Variants in USH2A observed in about 807,000 individuals in gnomAD.
The protein encoded by USH2A is Usher syndrome 2A (autosomal recessive, mild).
In USH2A, 443 loss-of-function variants were observed where a neutral mutation model predicts 538.9. The observed-to-expected ratio is 0.82, with a 90% CI of 0.76 to 0.89. The LOEUF is 0.89. Ranked by LOEUF, USH2A falls within the 40% of genes least tolerant of loss-of-function variation. The probability of loss-of-function intolerance (pLI) is 0.00; values close to 1 mark genes in which losing one functional copy is unlikely to be tolerated. For synonymous variants in USH2A, 2,413 were observed against 2,273.5 expected (o/e 1.06, Z -1.75); for missense variants, 6,633 against 6,324.8 (o/e 1.05, Z -1.65).
chr1:215,729,162 C>T (rs187738889), intron 60 of USH2A, among the ~76,000 whole-genome samples: 1 of 152,176 alleles, frequency 6.6e-6, no homozygotes, highest in Admixed American at 6.5e-5. Flanking sequence ...TTTTGCTGCT[C>T]TTAGGACCAT....
chr1:216,202,575 T>C (rs567769294), intron 16 of USH2A, among the ~76,000 whole-genome samples: 1 of 152,302 alleles, frequency 6.6e-6, no homozygotes, highest in Non-Finnish European at 1.5e-5. Flanking sequence ...TTGCTGTTAC[T>C]ACAGACTTCT....
intron 3 of USH2A, among the ~76,000 whole-genome samples, chr1:216,374,301 A>G (rs2038775177): frequency 6.8e-6 from 1 of 147,468 alleles, no homozygotes; most frequent in African/African-American, 2.5e-5. Flanking sequence ...AAAAAAAAAG[A>G]GTTCTTCAAT....
At chr1:215,824,518 G>C (rs781632206) in intron 47 of USH2A, among the ~76,000 whole-genome samples, 7 of 152,112 alleles carry the variant, frequency 4.6e-5, no homozygotes, top group Non-Finnish European at 1.0e-4. Flanking sequence ...GAGGCTGGCT[G>C]AGGATTGGTG....
intron 27 of USH2A, among the ~76,000 whole-genome samples, 161 bp downstream of exon 27, chr1:216,077,928 G>A (rs1392735168): frequency 3.3e-5 from 5 of 152,000 alleles, no homozygotes; most frequent in African/African-American, 4.8e-5. Context: ...TTGAAAAAGT[G>A]TTTTCATTAG....
At chr1:216,364,012 T>C (rs977819933) in intron 4 of USH2A, among the ~76,000 whole-genome samples, 4 of 151,092 alleles carry the variant, frequency 2.6e-5, no homozygotes, top group African/African-American at 7.3e-5. Context: ...GAGTTCCATA[T>C]TGTTTAGATT....
intron 13 of USH2A, among the ~76,000 whole-genome samples, chr1:216,244,614 G>C (rs2036000645): frequency 1.3e-5 from 2 of 152,156 alleles, no homozygotes; most frequent in Admixed American, 1.3e-4. Context: ...GGGAACAAAT[G>C]AGACAGTCTT....
At chr1:215,835,670 C>A (rs1279403966) in intron 47 of USH2A, among the ~76,000 whole-genome samples, 1 of 152,064 alleles carries the variant, frequency 6.6e-6, no homozygotes, top group East Asian at 1.9e-4. Context: ...CAGCTTTAAA[C>A]CCTACCCTCT....
chr1:216,189,937 T>C (rs572480810), intron 20 of USH2A, among the ~76,000 whole-genome samples: 1 of 152,006 alleles, frequency 6.6e-6, no homozygotes, highest in African/African-American at 2.4e-5. Context: ...TATATATTTG[T>C]ATATGTTTCT....
chr1:215,970,613 T>A lies in USH2A; in HGVS notation c.6957+12A>T. The A allele has an allele frequency of 6.2e-7, 1 of 1,613,516 alleles. No homozygotes were observed. Among genetic ancestry groups the A allele is most frequent in the Non-Finnish European group, 8.5e-7 (1 of 1,179,640 alleles). ...TTTAACACATTCCTAGAATGTAAAT[T>A]TAGATACTCACCAGTGGGCCCAGAG... On this transcript the variant is annotated intron_variant, in intron 36 of 71. Coordinates refer to ENST00000307340, the MANE Select transcript of USH2A (RefSeq NM_206933.4).
intron 35 of USH2A, among the ~76,000 whole-genome samples, chr1:215,978,777 G>A (rs779216551): frequency 3.9e-5 from 6 of 152,128 alleles, no homozygotes; most frequent in East Asian, 1.9e-4. Context: ...TTCCACATAC[G>A]GTAGTGGGGA....
intron 11 of USH2A, among the ~76,000 whole-genome samples, chr1:216,287,416 G>C (rs1055260448): frequency 2.5e-4 from 38 of 152,290 alleles, no homozygotes; most frequent in African/African-American, 8.9e-4. Flanking sequence ...GAAATCTAGA[G>C]CCAGTAGTAT....
At chr1:215,982,896 G>T (rs887014894) in intron 35 of USH2A, among the ~76,000 whole-genome samples, 2 of 152,192 alleles carry the variant, frequency 1.3e-5, no homozygotes, top group African/African-American at 4.8e-5. Flanking sequence ...ACCTAGTCTG[G>T]GTAGGATACG....
chr1:215,654,807 C>T lies in USH2A; in HGVS notation c.14134-4006G>A, dbSNP rs961135464. ...ATATATTTTTAAATCTAACTAGAGA[C>T]TATTACCATATTTATGCTTGTTGTT... On this transcript the variant is annotated intron_variant, in intron 64 of 71. Transcript: ENST00000307340. Among the ~76,000 whole-genome samples, 5 of 152,082 alleles carry T rather than the reference C, an allele frequency of 3.3e-5. No homozygotes were observed. In the South Asian group the frequency reaches 1.0e-3, roughly 31 times the overall value.
chr1:216,090,462 C>T lies in USH2A; in HGVS notation c.4759-1323G>A, dbSNP rs190655109. Among the ~76,000 whole-genome samples, 329 of 150,630 alleles carry T rather than the reference C, an allele frequency of 2.2e-3. 1 individual carries two copies. Among genetic ancestry groups the T allele is most frequent in the African/African-American group, 7.5e-3 (308 of 40,972 alleles). On this transcript the variant is annotated intron_variant, in intron 22 of 71. Coordinates refer to ENST00000307340, the MANE Select transcript of USH2A (RefSeq NM_206933.4). ...AAAAAAAAAAAAAAGCTTTTAATTT[C>T]CCATGAGTATGAGTGGGTTGTCTCT...
chr1:216,311,184 A>C (rs1281060924), intron 9 of USH2A, among the ~76,000 whole-genome samples: 1 of 152,176 alleles, frequency 6.6e-6, no homozygotes, highest in Non-Finnish European at 1.5e-5. Context: ...TGGGGATGAC[A>C]GACCTACATC....
At chr1:215,625,928 C>CAATT (rs1656006923) in intron 71 of USH2A, 58 bp from the exon 72 acceptor site, 1 of 1,496,642 alleles carries the variant, frequency 6.7e-7, no homozygotes, top group Non-Finnish European at 9.3e-7. Flanking sequence ...TATTTGCTAT[C>CAATT]AATTTATAGT....
intron 70 of USH2A, among the ~76,000 whole-genome samples, chr1:215,633,543 A>T (rs193074969): frequency 3.9e-4 from 60 of 152,218 alleles, no homozygotes; most frequent in Middle Eastern, 6.8e-3. Context: ...GTGTTCACTC[A>T]CTGCTGTTTT....
chr1:216,418,779 T>G (rs1466457908), intron 2 of USH2A, 100 bp from the exon 3 acceptor site: 1 of 1,351,094 alleles, frequency 7.4e-7, no homozygotes, highest in Non-Finnish European at 1.1e-6. Context: ...GACCTCAAAC[T>G]TTGCTCAAAA....
At chr1:216,347,992 G>A (rs2038212189) in intron 4 of USH2A, among the ~76,000 whole-genome samples, 1 of 152,096 alleles carries the variant, frequency 6.6e-6, no homozygotes, top group African/African-American at 2.4e-5. Context: ...GATAGCTGAA[G>A]TAATCTTTTA....
Sources: gnomAD v4.1 joint callset for allele counts (sites outside exome capture counted in the v4.1 genomes callset) on GRCh38, gnomAD v4.1.1 for gene constraint, MANE v1.5 for transcripts, NCBI Gene and HGNC (gene_info 2026-07-23, HGNC 2026-07-21) for gene names.